The following ECM2 variants were observed in gnomAD, a reference collection of about 807,000 sequenced individuals.
ECM2 encodes extracellular matrix protein 2, female organ and adipocyte specific.
In ECM2, 57 loss-of-function variants were observed where a neutral mutation model predicts 67.5. That is an observed-to-expected ratio of 0.84 (90% CI 0.68 to 1.05). ECM2 has a LOEUF of 1.05. Ranked by LOEUF, ECM2 falls within the 50% of genes least tolerant of loss-of-function variation. The pLI is 0.00. For missense variants in ECM2, 741 were observed against 822.8 expected, an observed-to-expected ratio of 0.90 and a Z score of 1.22; for synonymous variants, 258 against 294.5, an observed-to-expected ratio of 0.88 and a Z score of 1.27.
At chr9:92,513,323 G>T (rs1847476394) in intron 4 of ECM2, among the ~76,000 whole-genome samples, 1 of 152,216 alleles carries the variant, frequency 6.6e-6, no homozygotes, top group African/African-American at 2.4e-5. Flanking sequence ...GTGCGGGCAG[G>T]CTGCAGAGAG....
chr9:92,552,402 TC>T, the ECM2 span, among the ~76,000 whole-genome samples: 3 of 152,282 alleles, frequency 2.0e-5, no homozygotes, highest in East Asian at 3.9e-4. Context: ...TACTTTTAGT[TC>T]TTTAAGGAAT....
chr9:92,514,543 G>C, intron 4 of ECM2, 88 bp downstream of exon 4: 1 of 1,482,516 alleles, frequency 6.7e-7, no homozygotes, highest in South Asian at 1.5e-5. Flanking sequence ...TCAAAGTGCT[G>C]AGATTATAGG....
At chr9:92,524,575 T>A (rs1848275659) in intron 1 of ECM2, among the ~76,000 whole-genome samples, 1 of 152,066 alleles carries the variant, frequency 6.6e-6, no homozygotes, top group Non-Finnish European at 1.5e-5. Context: ...AACACACACA[T>A]ACTCACATAC....
the ECM2 span, among the ~76,000 whole-genome samples, chr9:92,544,902 G>A: frequency 5.9e-5 from 9 of 152,034 alleles, no homozygotes; most frequent in East Asian, 1.7e-3. Context: ...TGTATTTTTA[G>A]TGGAGACGTG....
chr9:92,552,213 A>C, the ECM2 span, among the ~76,000 whole-genome samples: 415 of 150,190 alleles, frequency 2.8e-3, 6 homozygotes, highest in Non-Finnish European at 4.8e-3. Context: ...ACACACACAC[A>C]CACCCCACAG....
intron 9 of ECM2, among the ~76,000 whole-genome samples, chr9:92,497,890 AAAAG>A (rs1846445841): frequency 1.3e-5 from 2 of 151,100 alleles, no homozygotes; most frequent in African/African-American, 4.9e-5. Context: ...AAAAAAAAAA[AAAAG>A]AAGTCTGGCA....
intron 1 of ECM2, among the ~76,000 whole-genome samples, chr9:92,526,266 A>G (rs1349161088): frequency 6.6e-6 from 1 of 152,226 alleles, no homozygotes; most frequent in Admixed American, 6.5e-5. Context: ...TAAAAATAGA[A>G]AAAAGCTTAC....
chr9:92,539,006 A>G (rs886412476), upstream of ECM2: 2 of 152,214 alleles, frequency 1.3e-5, no homozygotes, highest in African/African-American at 4.8e-5. Flanking sequence ...TACCCAAATA[A>G]AGGTAAATTT....
chr9:92,499,205 A>G (rs1846531213), intron 9 of ECM2, among the ~76,000 whole-genome samples: 1 of 152,212 alleles, frequency 6.6e-6, no homozygotes, highest in African/African-American at 2.4e-5. Context: ...TGAAAGCCTA[A>G]GTATATATTG....
rs368116708 is a variant in ECM2, at chr9:92,515,075, G to A, written c.610C>T (p.Arg204Ter). 3 of 1,613,624 alleles carry A rather than the reference G, an allele frequency of 1.9e-6. No homozygotes were observed. The highest frequency in any genetic ancestry group is 1.3e-5 in the African/African-American group (1 of 74,722). Residue 204 changes from arginine (R) to a stop codon, truncating the protein, a stop_gained, in exon 4 of 10, where the codon CGA (arginine) becomes TGA (stop). Coordinates refer to ENST00000344604, the MANE Select transcript of ECM2 (RefSeq NM_001393.4). LOFTEE classifies it high-confidence loss of function. ...TGAAGTGCTTCTTTTCTTACTATTC[G>A]GTCCATTCCCACCTGAGGAGGTGGC... is the stretch of plus-strand genomic sequence containing the variant. The part of the protein sequence containing the change: ...QLPPPQVGMD[R>*]IVRKEALQSE...
Position 92,525,209 on chromosome 9 carries a change from TCAGGAGGCTGAGG to T in ECM2, c.-27-2329_-27-2317del, listed in dbSNP as rs560392120. 5.1e-4 allele frequency among the ~76,000 whole-genome samples: 78 copies of T among 152,068 alleles called. 2 individuals are homozygous for T. In the East Asian group the frequency reaches 0.015, roughly 29 times the overall value. On this transcript the variant is annotated intron_variant, in intron 1 of 9. Coordinates refer to ENST00000344604, the MANE Select transcript of ECM2 (RefSeq NM_001393.4). Reference sequence around the variant, plus strand: ...GGTGCATACCTGTAGTCCTAGCTACTCAGGAGGCTGAGGCAGGAGGCTCACTTGAGCCCAGAAG... The same window carrying T: ...GGTGCATACCTGTAGTCCTAGCTACTCAGGAGGCTCACTTGAGCCCAGAAG...
the ECM2 span, among the ~76,000 whole-genome samples, chr9:92,551,737 A>G: frequency 6.6e-6 from 1 of 151,470 alleles, no homozygotes; most frequent in African/African-American, 2.4e-5. Context: ...GCGTCCTCAT[A>G]GCTTAGCTCC....
chr9:92,549,006 C>T, the ECM2 span, among the ~76,000 whole-genome samples: 1 of 152,132 alleles, frequency 6.6e-6, no homozygotes, highest in African/African-American at 2.4e-5. Context: ...TATAAACAAG[C>T]TACAGTAATT....
the ECM2 span, among the ~76,000 whole-genome samples, chr9:92,556,778 T>A: frequency 6.6e-6 from 1 of 152,364 alleles, no homozygotes; most frequent in Non-Finnish European, 1.5e-5. Flanking sequence ...TAGTGAGTCC[T>A]TATCTACTCT....
In ECM2 at chr9:92,514,835, C is replaced by T; in HGVS notation, c.850G>A (p.Glu284Lys). The T allele has an allele frequency of 6.2e-7, 1 of 1,611,934 alleles. No individual in the cohort carries two copies. Among genetic ancestry groups the T allele is most frequent in the Non-Finnish European group, 8.5e-7 (1 of 1,178,998 alleles). The change falls in exon 4 of 10, where the codon GAG becomes AAG. Residue 284 changes from glutamate (E) to lysine (K), a missense_variant. Physicochemically the swap from Glu to Lys is moderately conservative, Grantham distance 56. Transcript: ENST00000344604. ...GGGTCCTCCTCGTCCTCCTCATCCT[C>T]CTCACCCTCCTCACCCTCCTCCTCC... ...DEEEEGEEGE[E>K]DEEDEEDPVR...
intron 2 of ECM2, among the ~76,000 whole-genome samples, chr9:92,521,275 T>C (rs1396049659): frequency 6.6e-6 from 1 of 152,222 alleles, no homozygotes; most frequent in Non-Finnish European, 1.5e-5. Context: ...GAATACTTCT[T>C]TTTCAGCCTT....
At position 92,496,418 on chromosome 9, in the gene ECM2, TGAA is replaced by T; in HGVS notation, c.1994_1996del (p.Leu665del). 1 of 1,610,240 alleles carries T rather than the reference TGAA, an allele frequency of 6.2e-7. No individual in the cohort carries two copies. Among genetic ancestry groups the T allele is most frequent in the Non-Finnish European group, 8.5e-7 (1 of 1,178,568 alleles). On this transcript the variant is annotated inframe_deletion, in exon 10 of 10. Coordinates refer to ENST00000344604, the MANE Select transcript of ECM2 (RefSeq NM_001393.4). The stretch of plus-strand genomic sequence containing the variant: ...AATTTTAATATAATTGTTTTCAAGA[TGAA>T]GATGTTCCAGATTTGAGTCATCATC...
At chr9:92,540,324 GCTA>G (rs1294087297), upstream of ECM2, among the ~76,000 whole-genome samples, 2 of 151,942 alleles carry the variant, frequency 1.3e-5, no homozygotes, top group African/African-American at 4.8e-5. Context: ...AGTAGTCCCA[GCTA>G]CTTGGGAGGC....
intron 9 of ECM2, among the ~76,000 whole-genome samples, chr9:92,500,097 C>T (rs1846579677): frequency 6.6e-6 from 1 of 152,184 alleles, no homozygotes; most frequent in Non-Finnish European, 1.5e-5. Flanking sequence ...TTTATTTATA[C>T]ATGGAGGTAG....
Sources: gnomAD v4.1 joint callset for allele counts (sites outside exome capture counted in the v4.1 genomes callset) on GRCh38, gnomAD v4.1.1 for gene constraint, MANE v1.5 for transcripts, NCBI Gene and HGNC (gene_info 2026-07-23, HGNC 2026-07-21) for gene names.